HSD17B2: variants seen among roughly 807,000 people sequenced by gnomAD.
HSD17B2 encodes 17-beta-hydroxysteroid dehydrogenase type 2.
HSD17B2 carries 32 observed loss-of-function variants against 26.9 expected under a neutral mutation model. The observed-to-expected ratio is 1.19, with a 90% CI of 0.90 to 1.60. The LOEUF (loss-of-function observed/expected upper bound fraction) is 1.60. HSD17B2 is among the 40% of genes most tolerant of loss of function. The pLI is 0.00. For missense variants in HSD17B2, 613 were observed against 468.6 expected, an observed-to-expected ratio of 1.31 and a Z score of -2.85; for synonymous variants, 246 against 186.7, an observed-to-expected ratio of 1.32 and a Z score of -2.59.
intron 1 of HSD17B2, among the ~76,000 whole-genome samples, chr16:82,054,339 T>G (rs1480212701): frequency 2.0e-5 from 3 of 152,138 alleles, no homozygotes; most frequent in Non-Finnish European, 4.4e-5. Context: ...GCCCCATTCT[T>G]TTTAAAATCT....
chr16:82,037,489 C>G (rs563527790), intron 1 of HSD17B2, among the ~76,000 whole-genome samples: 2 of 152,116 alleles, frequency 1.3e-5, no homozygotes, highest in African/African-American at 2.4e-5. Flanking sequence ...GGGGCAGGAC[C>G]AAAGAAAAAT....
intron 4 of HSD17B2, chr16:82,097,301 T>TATACAC (rs1319299129): frequency 6.6e-6 from 1 of 151,638 alleles, no homozygotes; most frequent in Admixed American, 6.6e-5. Flanking sequence ...TGTATATATA[T>TATACAC]ATACACATAT....
At chr16:82,043,606 C>A (rs1913829100) in intron 1 of HSD17B2, among the ~76,000 whole-genome samples, 1 of 127,472 alleles carries the variant, frequency 7.8e-6, no homozygotes, top group South Asian at 2.1e-4. Flanking sequence ...ATGGCGTGAA[C>A]CCAGGAAGCG....
chr16:82,064,759 C>G (rs1039481849), intron 1 of HSD17B2, among the ~76,000 whole-genome samples: 6 of 152,290 alleles, frequency 3.9e-5, no homozygotes, highest in South Asian at 2.1e-4. Context: ...TATCATGAGC[C>G]AAGAAGATGC....
intron 3 of HSD17B2, among the ~76,000 whole-genome samples, chr16:82,090,476 G>C (rs555883572): frequency 2.6e-5 from 4 of 151,796 alleles, no homozygotes; most frequent in African/African-American, 9.7e-5. Context: ...GCGCCACCAC[G>C]CCTGGCTAAT....
chr16:82,093,429 T>G (rs1207742465), intron 4 of HSD17B2: 1 of 152,230 alleles, frequency 6.6e-6, no homozygotes, highest in Non-Finnish European at 1.5e-5. Flanking sequence ...CTGCACTGTG[T>G]GTAGCTGTAG....
chr16:82,091,460 C>A, intron 4 of HSD17B2: 1 of 212,596 alleles, frequency 4.7e-6, no homozygotes, highest in Non-Finnish European at 9.5e-6. Context: ...AGGAATGGCT[C>A]TCAGATCCTG....
In HSD17B2 at chr16:82,068,104, C is replaced by CTTGTTAAATA. The variant is rs1914613550; in HGVS notation, c.266-63_266-54dup. ...ATCGTAAACAACGTAATATGTTTTCCTTGTTAAATATTTTCTCCTGTCACT... is the reference window on the plus strand; with the variant it reads ...ATCGTAAACAACGTAATATGTTTTCCTTGTTAAATATTGTTAAATATTTTCTCCTGTCACT... On this transcript the variant is annotated intron_variant, in intron 1 of 4. Transcript: ENST00000199936. 2.2e-6 allele frequency: 3 copies of CTTGTTAAATA among 1,338,452 alleles called. No homozygotes were observed. In the Admixed American group the frequency reaches 5.2e-5, roughly 23 times the overall value. 82.9% of individuals were successfully genotyped at this position (1,338,452 alleles called of 1,614,324 possible).
chr16:82,066,210 T>C (rs1286560644), intron 1 of HSD17B2, among the ~76,000 whole-genome samples: 1 of 152,218 alleles, frequency 6.6e-6, no homozygotes, highest in Admixed American at 6.5e-5. Context: ...TCTCCTCCTC[T>C]GGCCAGCCCC....
intron 1 of HSD17B2, among the ~76,000 whole-genome samples, chr16:82,040,676 G>A (rs1913742498): frequency 1.3e-5 from 2 of 152,226 alleles, no homozygotes; most frequent in African/African-American, 2.4e-5. Flanking sequence ...TTGATTGGGT[G>A]TAGAAGATGC....
At chr16:82,060,332 G>T (rs1291604603) in intron 1 of HSD17B2, among the ~76,000 whole-genome samples, 5 of 152,146 alleles carry the variant, frequency 3.3e-5, no homozygotes, top group Non-Finnish European at 5.9e-5. Context: ...ATGGGGTCAG[G>T]GTAGGCTGCA....
In HSD17B2 at chr16:82,077,150, G is replaced by T. The variant is rs554494820; in HGVS notation, c.664+6023G>T. Among the ~76,000 whole-genome samples the T allele has an allele frequency of 2.4e-4, 36 of 152,174 alleles. No individual in the cohort carries two copies. The South Asian group carries it at 6.4e-3, about 27-fold the overall frequency. On this transcript the variant is annotated intron_variant, in intron 3 of 4. Transcript: ENST00000199936. ...CCAAATACCAATGACATTCTTCACA[G>T]AAATAGAAAAAGAAATCCTGAAATT...
intron 3 of HSD17B2, among the ~76,000 whole-genome samples, chr16:82,076,009 G>A (rs145356066): frequency 4.7e-4 from 71 of 151,690 alleles, no homozygotes; most frequent in East Asian, 3.3e-3. Flanking sequence ...ATTCAACAGC[G>A]CATTAAAAAG....
intron 1 of HSD17B2, among the ~76,000 whole-genome samples, chr16:82,040,809 G>A (rs952755039): frequency 7.2e-5 from 11 of 152,188 alleles, no homozygotes; most frequent in African/African-American, 2.4e-4. Flanking sequence ...GCAGTGAAGG[G>A]TAGTTCAAGT....
In HSD17B2 at chr16:82,041,964, C is replaced by A. The variant is rs535600342; in HGVS notation, c.265+6275C>A. On this transcript the variant is annotated intron_variant, in intron 1 of 4. Coordinates refer to ENST00000199936, the MANE Select transcript of HSD17B2 (RefSeq NM_002153.3). ...ATGTTTTAAAAAAAATTTATCATCT[C>A]CTCTTGTGATCCTTTTCCCTTTCTT... Among the ~76,000 whole-genome samples the A allele has an allele frequency of 2.0e-5, 3 of 151,916 alleles. No individual in the cohort carries two copies. In the South Asian group the frequency reaches 6.2e-4, roughly 32 times the overall value.
chr16:82,097,409 A>C (rs1904883163), intron 4 of HSD17B2: 2 of 149,562 alleles, frequency 1.3e-5, no homozygotes, highest in African/African-American at 4.9e-5. Context: ...TAGAGATGGG[A>C]TCTCGCTATG....
rs115904601 is a variant in HSD17B2 at position 82,051,232 on chromosome 16, C to T, written c.265+15543C>T. 3.6e-3 allele frequency among the ~76,000 whole-genome samples: 555 copies of T among 152,260 alleles called. 4 individuals carry two copies. Among genetic ancestry groups the T allele is most frequent in the African/African-American group, 0.012 (483 of 41,536 alleles). The stretch of plus-strand genomic sequence containing the variant: ...AATTCTGTAATGATAGCATTGCGTA[C>T]GGCTCCTGGTATGCAGTAGATGCTT... On this transcript the variant is annotated intron_variant, in intron 1 of 4. Coordinates refer to ENST00000199936, the MANE Select transcript of HSD17B2 (RefSeq NM_002153.3).
At chr16:82,070,742 T>A (rs1337901433) in intron 2 of HSD17B2, 200 bp from the exon 3 acceptor site, 1 of 589,036 alleles carries the variant, frequency 1.7e-6, no homozygotes, top group Admixed American at 3.0e-5. Flanking sequence ...TCTCTGCACA[T>A]CTAGCTTCCT....
chr16:82,053,559 T>C (rs1458467297), intron 1 of HSD17B2, among the ~76,000 whole-genome samples: 2 of 152,238 alleles, frequency 1.3e-5, no homozygotes, highest in African/African-American at 4.8e-5. Context: ...CCATGGACTC[T>C]GAGTTCTCCA....
Sources: allele counts gnomAD v4.1 joint callset (sites outside exome capture counted in the v4.1 genomes callset), GRCh38; gene constraint gnomAD v4.1.1; transcripts MANE v1.5; gene names NCBI Gene and HGNC (gene_info 2026-07-23, HGNC 2026-07-21).